The following PCNT variants were observed in gnomAD, a reference collection of about 807,000 sequenced individuals.
PCNT encodes the protein kendrin.
A neutral mutation model predicts 380.4 loss-of-function variants in PCNT; 319 were observed. That is an observed-to-expected ratio of 0.84 (90% CI 0.77 to 0.92). The LOEUF (loss-of-function observed/expected upper bound fraction) is 0.92, where lower values mean the gene tolerates loss of function less well. Among genes scored for constraint, PCNT ranks in the 40% least tolerant of loss-of-function variants. PCNT has a pLI of 0.00. For missense variants in PCNT, 4,400 were observed against 4,255.3 expected, an observed-to-expected ratio of 1.03 and a Z score of -0.95; for synonymous variants, 1,845 against 1,735.2, an observed-to-expected ratio of 1.06 and a Z score of -1.57.
Position 46,440,304 on chromosome 21 carries a change from C to T in PCNT, c.9393+102C>T, listed in dbSNP as rs2073377. On this transcript the variant is annotated intron_variant, in intron 42 of 46. Coordinates refer to ENST00000359568, the MANE Select transcript of PCNT (RefSeq NM_006031.6). ...TTGTGACCACAAGGTTCTCGTCTGCCGGGTGTAGCAGTCACATCACTAAAG... is the reference window on the plus strand; with the variant it reads ...TTGTGACCACAAGGTTCTCGTCTGCTGGGTGTAGCAGTCACATCACTAAAG... 0.3 allele frequency: 375,278 copies of T among 1,260,416 alleles called. 57,375 individuals carry two copies. The highest frequency in any genetic ancestry group is 0.37 in the Admixed American group (22,052 of 59,102). 78.1% of individuals were successfully genotyped at this position (1,260,416 alleles called of 1,614,324 possible).
intron 27 of PCNT, among the ~76,000 whole-genome samples, chr21:46,409,686 G>T (rs2086724156): frequency 6.6e-6 from 1 of 152,154 alleles, no homozygotes; most frequent in South Asian, 2.1e-4. Context: ...CGCAACCTCT[G>T]CCTCCAGAGT....
In PCNT at chr21:46,375,005, G is replaced by A. The variant is rs544924292; in HGVS notation, c.3166-6689G>A. 3.3e-5 allele frequency among the ~76,000 whole-genome samples: 5 copies of A among 152,284 alleles called. No individual in the cohort carries two copies. The South Asian group carries it at 6.2e-4, about 19-fold the overall frequency. On this transcript the variant is annotated intron_variant, in intron 15 of 46. Coordinates refer to ENST00000359568, the MANE Select transcript of PCNT (RefSeq NM_006031.6). Reference sequence around the variant, plus strand: ...TATCTTTGCACCTGTTGGAACAGCAGTCACTTGTCAGCAGTGTGACTTGAC... The same window carrying A: ...TATCTTTGCACCTGTTGGAACAGCAATCACTTGTCAGCAGTGTGACTTGAC...
At chr21:46,379,674 T>A (rs1644029328) in intron 15 of PCNT, among the ~76,000 whole-genome samples, 1 of 152,162 alleles carries the variant, frequency 6.6e-6, no homozygotes, top group South Asian at 2.1e-4. Context: ...TTGACCTATC[T>A]TCCAGCGTGT....
intron 27 of PCNT, 112 bp downstream of exon 27, chr21:46,402,595 G>T (rs113004695): frequency 2.6e-6 from 3 of 1,154,808 alleles, no homozygotes; most frequent in South Asian, 1.3e-5. Flanking sequence ...ACAGACGCCC[G>T]TGGCCCCCAT....
At chr21:46,386,282 C>T (rs536588841) in intron 17 of PCNT, among the ~76,000 whole-genome samples, 12 of 152,352 alleles carry the variant, frequency 7.9e-5, no homozygotes, top group South Asian at 2.1e-4. Context: ...ACACAGAGCC[C>T]GACCCCTCCC....
chr21:46,399,520 T>C (rs1292243055), intron 24 of PCNT, 70 bp from the exon 25 acceptor site: 7 of 1,240,200 alleles, frequency 5.6e-6, no homozygotes, highest in Non-Finnish European at 7.1e-6. Flanking sequence ...TTTTGGGTAC[T>C]TTTTTGTTTG....
intron 13 of PCNT, among the ~76,000 whole-genome samples, chr21:46,360,386 G>A (rs903614913): frequency 1.1e-4 from 5 of 44,404 alleles, no homozygotes; most frequent in African/African-American, 5.2e-4. Flanking sequence ...ACCACGCCTG[G>A]CTAGTTTTTT....
In PCNT at chr21:46,381,691, C is replaced by A. The variant is rs1163313199; in HGVS notation, c.3166-3C>A. The stretch of plus-strand genomic sequence containing the variant: ...TATTTTTTATTGTTATTGATGTGTA[C>A]AGGGTGAATTTGGAAGTGAAAAGAA... On this transcript the variant is annotated splice_region_variant and splice_polypyrimidine_tract_variant and intron_variant, in intron 15 of 46. Transcript: ENST00000359568. The A allele has an allele frequency of 6.2e-7, 1 of 1,612,480 alleles. No homozygotes were observed. Among genetic ancestry groups the A allele is most frequent in the Non-Finnish European group, 8.5e-7 (1 of 1,178,706 alleles).
At chr21:46,431,050 G>T (rs977550210) in intron 37 of PCNT, 1 of 985,368 alleles carries the variant, frequency 1.0e-6, no homozygotes, top group Admixed American at 6.1e-5. Context: ...TGTGGCTTCT[G>T]AGCAAGTCTG....
intron 3 of PCNT, among the ~76,000 whole-genome samples, chr21:46,342,610 G>A (rs556626080): frequency 2.7e-5 from 4 of 150,020 alleles, no homozygotes; most frequent in Non-Finnish European, 1.5e-5. Context: ...GCATGATCTC[G>A]GCTCACTGCA....
chr21:46,436,873 C>T (rs1384454544), intron 39 of PCNT, 106 bp from the exon 40 acceptor site: 1 of 860,116 alleles, frequency 1.2e-6, no homozygotes, highest in Non-Finnish European at 1.9e-6. Flanking sequence ...ACACAGGCTC[C>T]TCAGAAACCT....
At chr21:46,349,219 G>T (rs758486024) in intron 7 of PCNT, 33 bp downstream of exon 7, 15 of 1,574,360 alleles carry the variant, frequency 9.5e-6, no homozygotes, top group Non-Finnish European at 1.3e-5. Context: ...TTTGGAGTGG[G>T]ACTGAATTTT....
At chr21:46,422,340 C>G (rs1272044562) in intron 32 of PCNT, among the ~76,000 whole-genome samples, 1 of 152,354 alleles carries the variant, frequency 6.6e-6, no homozygotes, top group Admixed American at 6.5e-5. Context: ...GTGGCCGCCT[C>G]CCATCTGGGC....
chr21:46,336,796 C>T (rs747230139), intron 3 of PCNT, among the ~76,000 whole-genome samples: 3 of 151,978 alleles, frequency 2.0e-5, no homozygotes, highest in African/African-American at 7.3e-5. Context: ...TATTTATGTT[C>T]ATTTGTATTT....
chr21:46,423,861 G>C (rs1392994737), intron 32 of PCNT, among the ~76,000 whole-genome samples: 2 of 147,416 alleles, frequency 1.4e-5, no homozygotes, highest in African/African-American at 5.0e-5. Flanking sequence ...GGAGGAAGAG[G>C]AGGAACTGCT....
At chr21:46,383,188 T>C (rs532094324) in intron 16 of PCNT, among the ~76,000 whole-genome samples, 1 of 147,430 alleles carries the variant, frequency 6.8e-6, no homozygotes, top group South Asian at 2.3e-4. Context: ...GTATATTCAG[T>C]GGCGGAAGCA....
Position 46,416,219 on chromosome 21 carries a change from G to A in PCNT, c.6301G>A (p.Ala2101Thr). Residue 2101 changes from alanine (A) to threonine (T), a missense_variant, in exon 30 of 47, where the codon GCC becomes ACC. Coordinates refer to ENST00000359568, the MANE Select transcript of PCNT (RefSeq NM_006031.6). ...CGACACCAAATCTCTGTGGCCCATG[G>A]CCTCAGCACACCTGTTGGAGAGCAG... ...AADTKSLWPM[A>T]SAHLLESSWS... 1 of 1,614,184 alleles carries A rather than the reference G, an allele frequency of 6.2e-7. No individual in the cohort carries two copies.
intron 15 of PCNT, among the ~76,000 whole-genome samples, chr21:46,372,105 T>C (rs945218651): frequency 3.7e-5 from 5 of 134,814 alleles, no homozygotes; most frequent in African/African-American, 1.2e-4. Flanking sequence ...CACATGTGCA[T>C]ACACAGCACA....
rs564095021 is a variant in PCNT, at chr21:46,444,679, G to C, written c.9840-15G>C. 4.9e-4 allele frequency: 778 copies of C among 1,582,306 alleles called. 12 individuals are homozygous for C. In the South Asian group the frequency reaches 8.4e-3, roughly 17 times the overall value. On this transcript the variant is annotated splice_polypyrimidine_tract_variant and intron_variant, in intron 45 of 46. Coordinates refer to ENST00000359568, the MANE Select transcript of PCNT (RefSeq NM_006031.6). Reference sequence around the variant, plus strand: ...TTTTTTTTTTTCTTCTCTTGGTGTGGTAATTTGTTTGAAGAGCCACTCCAT... The same window carrying C: ...TTTTTTTTTTTCTTCTCTTGGTGTGCTAATTTGTTTGAAGAGCCACTCCAT...
Sources: gnomAD v4.1 joint callset for allele counts (sites outside exome capture counted in the v4.1 genomes callset) on GRCh38, gnomAD v4.1.1 for gene constraint, MANE v1.5 for transcripts, NCBI Gene and HGNC (gene_info 2026-07-23, HGNC 2026-07-21) for gene names.